Variants in AKR1E2 observed in about 807,000 individuals in gnomAD.
The protein encoded by AKR1E2 is 1,5-anhydro-D-fructose reductase.
AKR1E2 carries 43 observed loss-of-function variants against 41.9 expected under a neutral mutation model. The ratio of observed to expected loss-of-function variants is 1.03; its 90% CI spans 0.80 to 1.32. The LOEUF is 1.32. Among genes scored for constraint, AKR1E2 ranks in the 40% most tolerant of loss-of-function variants. AKR1E2 has a pLI of 0.00. For synonymous variants in AKR1E2, 121 were observed against 138.9 expected, an observed-to-expected ratio of 0.87 and a Z score of 0.91; for missense variants, 423 against 396.5, an observed-to-expected ratio of 1.07 and a Z score of -0.57.
intron 3 of AKR1E2, among the ~76,000 whole-genome samples, chr10:4,835,344 G>T (rs937393838): frequency 1.3e-5 from 2 of 152,186 alleles, no homozygotes; most frequent in African/African-American, 4.8e-5. Flanking sequence ...TGAAGAAAAT[G>T]CACTCCTCAC....
Position 4,847,176 on chromosome 10 carries a change from A to T in AKR1E2, c.866A>T (p.Asp289Val), listed in dbSNP as rs1476182605. ...TTTGATTTTGAATTAACACAGCACG[A>T]TATGGATAACATCCTCAGCCTAAAC... The part of the protein sequence containing the change: ...QVFDFELTQH[D>V]MDNILSLNRN... Residue 289 changes from aspartate (D) to valine (V), a missense_variant, in exon 9 of 10, where the codon GAT (aspartate) becomes GTT (valine). Physicochemically the swap from Asp to Val is radical, Grantham distance 152. Coordinates refer to ENST00000298375, the MANE Select transcript of AKR1E2 (RefSeq NM_001040177.3). 6.2e-7 allele frequency: 1 copy of T among 1,614,096 alleles called. No homozygotes were observed. The highest frequency in any genetic ancestry group is 8.5e-7 in the Non-Finnish European group (1 of 1,180,052).
intron 1 of AKR1E2, 68 bp from the exon 2 acceptor site, chr10:4,830,607 G>C (rs1392630451): frequency 1.3e-6 from 2 of 1,577,110 alleles, no homozygotes; most frequent in East Asian, 4.5e-5. Flanking sequence ...ACATGCTTGG[G>C]TGAAAGGGGA....
At chr10:4,835,392 G>A (rs896101127) in intron 3 of AKR1E2, among the ~76,000 whole-genome samples, 1 of 152,188 alleles carries the variant, frequency 6.6e-6, no homozygotes, top group Non-Finnish European at 1.5e-5. Context: ...ATTTTCTGGA[G>A]GCAATGGGAG....
the AKR1E2 span, among the ~76,000 whole-genome samples, chr10:4,866,956 C>T: frequency 2.0e-5 from 3 of 152,084 alleles, no homozygotes; most frequent in Non-Finnish European, 4.4e-5. Flanking sequence ...GAGCAGTTTA[C>T]GGAGGGTCAG....
At chr10:4,866,945 G>A in the AKR1E2 span, among the ~76,000 whole-genome samples, 1 of 152,146 alleles carries the variant, frequency 6.6e-6, no homozygotes, top group Non-Finnish European at 1.5e-5. Context: ...CAGGCACTTA[G>A]GAGCAGTTTA....
chr10:4,871,827 A>C, the AKR1E2 span: 1 of 152,208 alleles, frequency 6.6e-6, no homozygotes, highest in African/African-American at 2.4e-5. Flanking sequence ...AAAACTTCCC[A>C]TCCATGAGAT....
At chr10:4,834,898 A>G (rs529824696) in intron 3 of AKR1E2, among the ~76,000 whole-genome samples, 84 of 152,366 alleles carry the variant, frequency 5.5e-4, no homozygotes, top group African/African-American at 1.9e-3. Context: ...TCAGGGTCCG[A>G]GTATGAGTCC....
intron 9 of AKR1E2, 109 bp from the exon 10 acceptor site, chr10:4,847,379 A>C: frequency 6.5e-7 from 1 of 1,532,242 alleles, no homozygotes; most frequent in Non-Finnish European, 8.9e-7. Context: ...CACTGAATGA[A>C]GCTAATTTCA....
chr10:4,863,726 AGAAGAAAAGAAAGAAG>A, the AKR1E2 span, among the ~76,000 whole-genome samples: 47 of 150,934 alleles, frequency 3.1e-4, no homozygotes, highest in African/African-American at 4.9e-4. Flanking sequence ...AGACTAATAA[AGAAGAAAAGAAAGAAG>A]AATCAAATAG....
At position 4,847,201 on chromosome 10, in the gene AKR1E2, C is replaced by T; in HGVS notation, c.891C>T (p.Asn297=). 1.9e-6 allele frequency: 3 copies of T among 1,614,188 alleles called. No individual in the cohort carries two copies. The highest frequency in any genetic ancestry group is 2.5e-6 in the Non-Finnish European group (3 of 1,180,022). The stretch of plus-strand genomic sequence containing the variant: ...ATATGGATAACATCCTCAGCCTAAA[C>T]AGGAATCTCCGACTGGCCATGTTCC... ...QHDMDNILSL[N]RNLRLAMFPI... Residue 297 remains asparagine, a synonymous_variant, in exon 9 of 10, where the codon AAC becomes AAT. Coordinates refer to ENST00000298375, the MANE Select transcript of AKR1E2 (RefSeq NM_001040177.3).
chr10:4,842,274 C>T, intron 7 of AKR1E2, 147 bp from the exon 8 acceptor site: 2 of 663,188 alleles, frequency 3.0e-6, no homozygotes, highest in South Asian at 3.8e-5. Flanking sequence ...AACATATTGA[C>T]AGAGCTGCTC....
the AKR1E2 span, among the ~76,000 whole-genome samples, chr10:4,857,453 C>T: frequency 6.6e-6 from 1 of 152,064 alleles, no homozygotes; most frequent in Non-Finnish European, 1.5e-5. Flanking sequence ...TGTGAAGTGC[C>T]CCTCCCTCTT....
the AKR1E2 span, among the ~76,000 whole-genome samples, chr10:4,865,367 T>G: frequency 1.3e-5 from 2 of 152,310 alleles, no homozygotes; most frequent in Non-Finnish European, 2.9e-5. Flanking sequence ...TCCTTTGCAC[T>G]GGGTACTGTT....
chr10:4,844,690 G>A (rs1429434389), intron 8 of AKR1E2, among the ~76,000 whole-genome samples: 4 of 152,184 alleles, frequency 2.6e-5, no homozygotes, highest in East Asian at 1.9e-4. Flanking sequence ...GATACAGAGT[G>A]TCGATTGGTG....
chr10:4,845,390 C>T lies in AKR1E2; in HGVS notation c.838-1758C>T, dbSNP rs187893682. Reference sequence around the variant, plus strand: ...CAGTGCAACGGTGGGCTGAAGGGCTCCTCAAGTGCCGCCAAAGTGGGAGCC... The same window carrying T: ...CAGTGCAACGGTGGGCTGAAGGGCTTCTCAAGTGCCGCCAAAGTGGGAGCC... On this transcript the variant is annotated intron_variant, in intron 8 of 9. Coordinates refer to ENST00000298375, the MANE Select transcript of AKR1E2 (RefSeq NM_001040177.3). Among the ~76,000 whole-genome samples the T allele has an allele frequency of 5.5e-3, 834 of 152,002 alleles. 6 individuals are homozygous for T. The highest frequency in any genetic ancestry group is 0.019 in the African/African-American group (788 of 41,286).
the AKR1E2 span, among the ~76,000 whole-genome samples, chr10:4,857,756 A>G: frequency 6.6e-6 from 1 of 152,166 alleles, no homozygotes; most frequent in Non-Finnish European, 1.5e-5. Context: ...GGATTTGTTC[A>G]TTTTATCTAG....
the AKR1E2 span, among the ~76,000 whole-genome samples, chr10:4,866,639 G>GTTTTTTTTTTTTTT: frequency 2.8e-5 from 3 of 107,800 alleles, 1 homozygote; most frequent in Non-Finnish European, 5.8e-5. Flanking sequence ...TTTTGTTTTT[G>GTTTTTTTTTTTTTT]TTTTTGTTTT....
the AKR1E2 span, among the ~76,000 whole-genome samples, chr10:4,856,820 G>C: frequency 7.9e-5 from 12 of 152,196 alleles, no homozygotes; most frequent in South Asian, 1.0e-3. Flanking sequence ...TGTCATCCAT[G>C]GACAATTTTT....
downstream of AKR1E2, among the ~76,000 whole-genome samples, chr10:4,851,179 T>C (rs1207614686): frequency 6.6e-6 from 1 of 152,256 alleles, no homozygotes; most frequent in Non-Finnish European, 1.5e-5. Context: ...ATGAAATTGA[T>C]CAAGACCCTG....
Sources: gnomAD v4.1 joint callset for allele counts (sites outside exome capture counted in the v4.1 genomes callset) on GRCh38, gnomAD v4.1.1 for gene constraint, MANE v1.5 for transcripts, NCBI Gene and HGNC (gene_info 2026-07-23, HGNC 2026-07-21) for gene names.